Variants in LRP1B observed in about 807,000 individuals in gnomAD.
The protein encoded by LRP1B is LDL receptor related protein 1B.
LRP1B carries 217 observed loss-of-function variants against 556.6 expected under a neutral mutation model. The observed-to-expected ratio is 0.39, with a 90% CI of 0.35 to 0.44. The LOEUF (loss-of-function observed/expected upper bound fraction) is 0.44, where lower values mean the gene tolerates loss of function less well. Ranked by LOEUF, LRP1B falls within the 20% of genes least tolerant of loss-of-function variation. The pLI is 1.00. For missense variants in LRP1B, 5,053 were observed against 5,620.8 expected, an observed-to-expected ratio of 0.90 and a Z score of 3.23; for synonymous variants, 2,047 against 1,865.8, an observed-to-expected ratio of 1.10 and a Z score of -2.50.
At chr2:141,174,740 TA>T (rs1467414996) in intron 7 of LRP1B, among the ~76,000 whole-genome samples, 9 of 152,026 alleles carry the variant, frequency 5.9e-5, no homozygotes, top group Admixed American at 5.9e-4. Context: ...TACAAAGATA[TA>T]TGAAAATGTG....
chr2:141,281,082 C>T, intron 3 of LRP1B, among the ~76,000 whole-genome samples: 1 of 151,830 alleles, frequency 6.6e-6, no homozygotes, highest in East Asian at 1.9e-4. Flanking sequence ...GTTCATAGTC[C>T]CAATTTTAGA....
intron 86 of LRP1B, among the ~76,000 whole-genome samples, chr2:140,250,937 A>C (rs1191727756): frequency 1.3e-5 from 2 of 151,588 alleles, no homozygotes; most frequent in Non-Finnish European, 3.0e-5. Context: ...AAGATAAAAT[A>C]AGCTACGTAG....
chr2:140,396,946 G>A (rs999750266), intron 66 of LRP1B, among the ~76,000 whole-genome samples: 2 of 152,050 alleles, frequency 1.3e-5, no homozygotes, highest in South Asian at 4.1e-4. Context: ...CTATAACTTT[G>A]TAAAGCATCC....
chr2:140,330,781 C>G (rs1301621101), intron 79 of LRP1B, among the ~76,000 whole-genome samples: 1 of 152,076 alleles, frequency 6.6e-6, no homozygotes, highest in East Asian at 1.9e-4. Flanking sequence ...AGTGAACAGA[C>G]AACCTACAGA....
intron 51 of LRP1B, 58 bp from the exon 52 acceptor site, chr2:140,510,114 ACC>A: frequency 6.4e-7 from 1 of 1,574,778 alleles, no homozygotes; most frequent in Non-Finnish European, 8.6e-7. Context: ...GAAAATGTCT[ACC>A]ATTTACATTT....
intron 37 of LRP1B, among the ~76,000 whole-genome samples, chr2:140,703,671 C>A (rs1686727021): frequency 6.6e-6 from 1 of 152,026 alleles, no homozygotes; most frequent in Non-Finnish European, 1.5e-5. Flanking sequence ...TGGGTAGTTC[C>A]CCCAATCCCC....
At chr2:140,885,974 GTGCTCACACAGA>G (rs1693627014) in intron 24 of LRP1B, among the ~76,000 whole-genome samples, 152 bp downstream of exon 24, 1 of 151,880 alleles carries the variant, frequency 6.6e-6, no homozygotes, top group Non-Finnish European at 1.5e-5. Flanking sequence ...CCCCCAACAG[GTGCTCACACAGA>G]TGCTCAATAT....
chr2:141,700,788 C>T (rs62166539), intron 2 of LRP1B, among the ~76,000 whole-genome samples: 8 of 151,804 alleles, frequency 5.3e-5, no homozygotes, highest in African/African-American at 1.9e-4. Flanking sequence ...CCAAAATGAA[C>T]TGGAAATTTC....
intron 21 of LRP1B, among the ~76,000 whole-genome samples, chr2:140,910,662 TAAAG>T (rs1694393540): frequency 6.6e-6 from 1 of 151,836 alleles, no homozygotes; most frequent in South Asian, 2.1e-4. Context: ...GCAAGATTCA[TAAAG>T]AAATTGTAAT....
chr2:140,320,805 G>C (rs765706018), intron 82 of LRP1B, among the ~76,000 whole-genome samples: 41 of 152,198 alleles, frequency 2.7e-4, no homozygotes, highest in Non-Finnish European at 2.8e-4. Flanking sequence ...CACTCTGGGG[G>C]GCTTAGGCAG....
At chr2:141,668,822 G>A (rs1690550108) in intron 2 of LRP1B, among the ~76,000 whole-genome samples, 2 of 152,164 alleles carry the variant, frequency 1.3e-5, no homozygotes, top group African/African-American at 4.8e-5. Context: ...GGCTTTGGGA[G>A]TTGCAGGCAT....
chr2:140,705,179 G>A (rs962796683), intron 37 of LRP1B, among the ~76,000 whole-genome samples: 2 of 151,898 alleles, frequency 1.3e-5, no homozygotes, highest in Non-Finnish European at 2.9e-5. Flanking sequence ...TATATCAAAT[G>A]TTATTTTTCC....
chr2:142,069,427 C>A (rs1301887149), intron 1 of LRP1B, among the ~76,000 whole-genome samples: 1 of 151,378 alleles, frequency 6.6e-6, no homozygotes, highest in Admixed American at 6.6e-5. Context: ...ACAGGAAGAC[C>A]TTTGAATGAT....
intron 7 of LRP1B, among the ~76,000 whole-genome samples, chr2:141,102,731 A>G (rs1049972337): frequency 3.3e-5 from 5 of 152,148 alleles, no homozygotes; most frequent in Non-Finnish European, 7.4e-5. Flanking sequence ...TTATGTTGAT[A>G]GGCCATAAGT....
intron 37 of LRP1B, among the ~76,000 whole-genome samples, chr2:140,715,255 T>TA (rs572316841): frequency 4.5e-4 from 68 of 151,250 alleles, no homozygotes; most frequent in East Asian, 3.1e-3. Flanking sequence ...AGATGTATAT[T>TA]AAAAAAAAAT....
intron 1 of LRP1B, among the ~76,000 whole-genome samples, chr2:142,096,627 C>G (rs747030588): frequency 1.3e-5 from 2 of 151,564 alleles, no homozygotes; most frequent in African/African-American, 2.4e-5. Flanking sequence ...TTTATATTAT[C>G]TCATTTACAC....
chr2:140,841,895 G>A (rs1020519354), intron 29 of LRP1B, among the ~76,000 whole-genome samples: 1 of 147,782 alleles, frequency 6.8e-6, no homozygotes, highest in Non-Finnish European at 1.5e-5. Context: ...TATAAAGTAG[G>A]CCAGTTTAGT....
chr2:141,714,929 A>G (rs532180608), intron 2 of LRP1B, among the ~76,000 whole-genome samples: 99 of 152,316 alleles, frequency 6.5e-4, no homozygotes, highest in Middle Eastern at 3.4e-3. Flanking sequence ...AAGCTCCAAC[A>G]AGCTTGAATA....
intron 35 of LRP1B, among the ~76,000 whole-genome samples, chr2:140,766,844 T>TA (rs1491148843): frequency 0.11 from 6,027 of 53,554 alleles, 413 homozygotes; most frequent in African/African-American, 0.26. Flanking sequence ...TATATATATA[T>TA]TATATATATA....
Sources: gnomAD v4.1 joint callset for allele counts (sites outside exome capture counted in the v4.1 genomes callset) on GRCh38, gnomAD v4.1.1 for gene constraint, MANE v1.5 for transcripts, NCBI Gene and HGNC (gene_info 2026-07-23, HGNC 2026-07-21) for gene names.